Variants in CAPN3 observed in about 807,000 individuals in gnomAD.
The protein encoded by CAPN3 is calpain-3.
A neutral mutation model predicts 114.0 loss-of-function variants in CAPN3; 88 were observed. That is an observed-to-expected ratio of 0.77 (90% CI 0.65 to 0.92). CAPN3 has a LOEUF of 0.92. Ranked by LOEUF, CAPN3 falls within the 40% of genes least tolerant of loss-of-function variation. The pLI is 0.00. For synonymous variants in CAPN3, 386 were observed against 382.9 expected (o/e 1.01, Z -0.09); for missense variants, 1,028 against 1,069.0 (o/e 0.96, Z 0.53).
At chr15:42,405,856 A>G (rs2054004138) in intron 14 of CAPN3, 70 bp from the exon 15 acceptor site, 1 of 1,320,844 alleles carries the variant, frequency 7.6e-7, no homozygotes, top group Admixed American at 1.7e-5. Flanking sequence ...AGGGAAGCCA[A>G]AAGCCACTGG....
rs545010219 is a variant in CAPN3 at position 42,366,828 on chromosome 15, C to CTTTTTTTT, written c.309+6718_309+6725dup. 2.0e-4 allele frequency among the ~76,000 whole-genome samples: 25 copies of CTTTTTTTT among 127,854 alleles called. 2 individuals are homozygous for CTTTTTTTT. Among genetic ancestry groups the CTTTTTTTT allele is most frequent in the African/African-American group, 6.5e-4 (19 of 29,158 alleles). 83.9% of individuals were successfully genotyped at this position (127,854 alleles called of 152,430 possible). A position where few individuals can be genotyped will look rare whatever the true frequency, so the allele number is the denominator to read the frequency against. Reference sequence around the variant, plus strand: ...CGACCCTCACAGAATTCTTTTTTTTCTTTTTTTTTTTCTTTTTTTTTTTGA... The same window carrying CTTTTTTTT: ...CGACCCTCACAGAATTCTTTTTTTTCTTTTTTTTTTTTTTTTTTTCTTTTTTTTTTTGA... On this transcript the variant is annotated intron_variant, in intron 1 of 23. Coordinates refer to ENST00000397163, the MANE Select transcript of CAPN3 (RefSeq NM_000070.3).
Position 42,401,807 on chromosome 15 carries a change from C to T in CAPN3, c.1521C>T (p.Tyr507=), listed in dbSNP as rs370231427. Residue 507 remains tyrosine (Y), a synonymous_variant, in exon 11 of 24, where the codon TAC becomes TAT. Transcript: ENST00000397163. ...TCTTCACCATTGGCTTCGCCATCTACGAGGTGTGCAGTCCTGATTGGCTCC... is the reference window on the plus strand; with the variant it reads ...TCTTCACCATTGGCTTCGCCATCTATGAGGTGTGCAGTCCTGATTGGCTCC... ...ASLFTIGFAI[Y]EVPKEMHGNK... 9.8e-5 allele frequency: 158 copies of T among 1,612,858 alleles called. No individual in the cohort carries two copies. Among genetic ancestry groups the T allele is most frequent in the Admixed American group, 4.0e-4 (24 of 59,770 alleles).
intron 14 of CAPN3, among the ~76,000 whole-genome samples, chr15:42,404,626 G>A (rs2053968477): frequency 6.6e-6 from 1 of 152,266 alleles, no homozygotes; most frequent in South Asian, 2.1e-4. Context: ...AGAGTGCTGT[G>A]TGTTGGGCTC....
In CAPN3 at chr15:42,409,333, G is replaced by A. The variant is rs747945886; in HGVS notation, c.1945G>A (p.Glu649Lys). ...PQPGSSDQES[E>K]EQQQFRNIFK... Reference sequence around the variant, plus strand: ...GCCTGGCAGCTCTGATCAGGAAAGTGAGGAACAGCAACAATTCCGGAACAT... The same window carrying A: ...GCCTGGCAGCTCTGATCAGGAAAGTAAGGAACAGCAACAATTCCGGAACAT... The change falls in exon 17 of 24, where the codon GAG becomes AAG. Residue 649 changes from glutamate (E) to lysine (K), a missense_variant. Physicochemically the swap from Glu to Lys is moderately conservative, Grantham distance 56. Coordinates refer to ENST00000397163, the MANE Select transcript of CAPN3 (RefSeq NM_000070.3). 2 of 1,614,222 alleles carry A rather than the reference G, an allele frequency of 1.2e-6. No homozygotes were observed. Among genetic ancestry groups the A allele is most frequent in the African/African-American group, 1.3e-5 (1 of 75,054 alleles).
chr15:42,374,011 AG>A (rs1045673038), intron 1 of CAPN3, among the ~76,000 whole-genome samples: 2 of 152,130 alleles, frequency 1.3e-5, no homozygotes, highest in Admixed American at 6.5e-5. Flanking sequence ...AGGGTGATGA[AG>A]GTTCCCTAAA....
At chr15:42,365,598 C>G (rs147024768) in intron 1 of CAPN3, among the ~76,000 whole-genome samples, 20 of 152,202 alleles carry the variant, frequency 1.3e-4, no homozygotes, top group African/African-American at 4.3e-4. Context: ...TTTCCCCTCA[C>G]CTCTTTCCCT....
rs763572829 is a variant in CAPN3, at chr15:42,410,517, G to A, written c.2184+21G>A. On this transcript the variant is annotated intron_variant, in intron 20 of 23. Transcript: ENST00000397163. ...GGCAGGTGGGAAGAGAAAATGAAGC[G>A]TGGGAGTCAAGAATGGGGTTGATTT... 63 of 1,613,440 alleles carry A rather than the reference G, an allele frequency of 3.9e-5. 1 individual carries two copies. Among genetic ancestry groups the A allele is most frequent in the South Asian group, 2.0e-4 (18 of 91,072 alleles).
intron 2 of CAPN3, among the ~76,000 whole-genome samples, chr15:42,385,320 C>T (rs538107628): frequency 6.6e-6 from 1 of 152,232 alleles, no homozygotes; most frequent in East Asian, 1.9e-4. Flanking sequence ...AGGCTTCCTG[C>T]AGAGCCCTGG....
Position 42,388,293 on chromosome 15 carries a change from A to G in CAPN3, c.632+407A>G, listed in dbSNP as rs1450809765. Among the ~76,000 whole-genome samples, 4 of 152,174 alleles carry G rather than the reference A, an allele frequency of 2.6e-5. No individual in the cohort carries two copies. In the East Asian group the frequency reaches 7.8e-4, roughly 30 times the overall value. On this transcript the variant is annotated intron_variant, in intron 4 of 23. Coordinates refer to ENST00000397163, the MANE Select transcript of CAPN3 (RefSeq NM_000070.3). The stretch of plus-strand genomic sequence containing the variant: ...TCTCAACTTAAAAGCTCCACCCCAG[A>G]TGCTAATAATGGATTTTTTAAATTT...
chr15:42,364,572 G>A (rs1252629300), intron 1 of CAPN3, among the ~76,000 whole-genome samples: 1 of 152,238 alleles, frequency 6.6e-6, no homozygotes, highest in African/African-American at 2.4e-5. Context: ...GGATGTGTGT[G>A]TGAATGCTCC....
At position 42,401,701 on chromosome 15, in the gene CAPN3, A is replaced by G; in HGVS notation, c.1415A>G (p.Asp472Gly). 6.2e-7 allele frequency: 1 copy of G among 1,614,104 alleles called. No homozygotes were observed. The highest frequency in any genetic ancestry group is 8.5e-7 in the Non-Finnish European group (1 of 1,179,994). ...LKLLEEDDDP[D>G]DSEVICSFLV... ...CTCCTGGAGGAGGACGATGACCCTG[A>G]TGACTCGGAGGTGATTTGCAGCTTC... Residue 472 changes from aspartate to glycine, a missense_variant, in exon 11 of 24, where the codon GAT (aspartate) becomes GGT (glycine). Transcript: ENST00000397163.
intron 1 of CAPN3, among the ~76,000 whole-genome samples, chr15:42,368,811 G>A (rs1283300790): frequency 6.6e-6 from 1 of 152,216 alleles, no homozygotes; most frequent in Non-Finnish European, 1.5e-5. Context: ...CAGCATTTTG[G>A]GAGGCCAAGG....
intron 1 of CAPN3, among the ~76,000 whole-genome samples, chr15:42,372,181 T>TG (rs1156569188): frequency 1.3e-5 from 2 of 151,990 alleles, no homozygotes; most frequent in Non-Finnish European, 2.9e-5. Context: ...TTCTTTGAGA[T>TG]GGAGTTTCGT....
At chr15:42,409,189 TGCTGCCACCTCCG>T (rs2054123473) in intron 16 of CAPN3, 101 bp from the exon 17 acceptor site, 1 of 899,438 alleles carries the variant, frequency 1.1e-6, no homozygotes, top group African/African-American at 1.6e-5. Context: ...CCCCAGCTCC[TGCTGCCACCTCCG>T]GCCGTTTTAG....
intron 4 of CAPN3, among the ~76,000 whole-genome samples, 155 bp from the exon 5 acceptor site, chr15:42,388,773 A>T (rs1388448640): frequency 1.3e-5 from 2 of 152,216 alleles, no homozygotes; most frequent in East Asian, 3.9e-4. Context: ...GAAGAAAGGG[A>T]ATCATTGTTT....
At chr15:42,401,186 T>G (rs1313164145) in intron 10 of CAPN3, among the ~76,000 whole-genome samples, 2 of 151,076 alleles carry the variant, frequency 1.3e-5, no homozygotes, top group Non-Finnish European at 2.9e-5. Flanking sequence ...AGAGCCAGAC[T>G]CCGTCTCAAA....
intron 18 of CAPN3, 39 bp downstream of exon 18, chr15:42,409,883 G>GGGGGGGGGGCCCCCCCCCCC: frequency 1.8e-6 from 1 of 559,484 alleles, no homozygotes; most frequent in Non-Finnish European, 3.5e-6. Context: ...GGTGGGTGGG[G>GGGGGGGGGGCCCCCCCCCCC]AGTCCCGTTG....
At position 42,403,797 on chromosome 15, in the gene CAPN3, T is replaced by C; in HGVS notation, c.1782+20T>C. 1.2e-6 allele frequency: 2 copies of C among 1,613,360 alleles called. No homozygotes were observed. Among genetic ancestry groups the C allele is most frequent in the Non-Finnish European group, 1.7e-6 (2 of 1,179,314 alleles). ...CCAGTGGTGAGTGGTTTAGATCTTCTGTGCGAAAAGTCCAGAGGGTCCCCT... is the reference window on the plus strand; with the variant it reads ...CCAGTGGTGAGTGGTTTAGATCTTCCGTGCGAAAAGTCCAGAGGGTCCCCT... On this transcript the variant is annotated intron_variant, in intron 14 of 23. Coordinates refer to ENST00000397163, the MANE Select transcript of CAPN3 (RefSeq NM_000070.3).
chr15:42,389,070 G>A lies in CAPN3; in HGVS notation c.775G>A (p.Gly259Ser), dbSNP rs769494236. Residue 259 changes from glycine to serine, a missense_variant, in exon 5 of 24, where the codon GGC (glycine) becomes AGC (serine). Physicochemically the swap from Gly to Ser is moderately conservative, Grantham distance 56 (BLOSUM62 0). Transcript: ENST00000397163. ...YKIMKKAIER[G>S]SLMGCSIDDG... The stretch of plus-strand genomic sequence containing the variant: ...GATCATGAAGAAAGCCATCGAGAGA[G>A]GCTCCCTCATGGGCTGCTCCATTGA... 3 of 1,614,012 alleles carry A rather than the reference G, an allele frequency of 1.9e-6. No homozygotes were observed. Among genetic ancestry groups the A allele is most frequent in the Non-Finnish European group, 2.5e-6 (3 of 1,180,034 alleles).
Sources: allele counts gnomAD v4.1 joint callset (sites outside exome capture counted in the v4.1 genomes callset), GRCh38; gene constraint gnomAD v4.1.1; transcripts MANE v1.5; gene names NCBI Gene and HGNC (gene_info 2026-07-23, HGNC 2026-07-21).